Variants in CTNNA1 observed in about 807,000 individuals in gnomAD.
The protein encoded by CTNNA1 is catenin alpha-1.
Under a neutral mutation model 98.4 loss-of-function variants are expected in CTNNA1, and 37 were observed. That is an observed-to-expected ratio of 0.38 (90% CI 0.29 to 0.49). The LOEUF (loss-of-function observed/expected upper bound fraction) is 0.49. CTNNA1 is among the 20% of genes least tolerant of loss of function. The pLI is 0.95. For synonymous variants in CTNNA1, 404 were observed against 413.2 expected (o/e 0.98, Z 0.27); for missense variants, 761 against 1,147.2 (o/e 0.66, Z 4.86).
At chr5:138,783,051 T>C (rs1025780819) in intron 2 of CTNNA1, 126 bp from the exon 3 acceptor site, 40 of 660,682 alleles carry the variant, frequency 6.1e-5, no homozygotes, top group Non-Finnish European at 9.1e-5. Flanking sequence ...TATGGGGAAT[T>C]GTATGTTAAT....
chr5:138,771,776 T>C (rs1753583020), intron 1 of CTNNA1, among the ~76,000 whole-genome samples: 1 of 152,256 alleles, frequency 6.6e-6, no homozygotes, highest in Admixed American at 6.5e-5. Flanking sequence ...AGATGCAAGC[T>C]GGCATACCTG....
chr5:138,898,325 A>C (rs1166753300), intron 9 of CTNNA1, among the ~76,000 whole-genome samples: 2 of 152,162 alleles, frequency 1.3e-5, no homozygotes, highest in African/African-American at 4.8e-5. Flanking sequence ...CTCTTTTCTT[A>C]TAAATTACCC....
chr5:138,845,797 G>A (rs1472064027), intron 7 of CTNNA1, among the ~76,000 whole-genome samples: 2 of 152,172 alleles, frequency 1.3e-5, no homozygotes, highest in African/African-American at 2.4e-5. Flanking sequence ...GCTTATAACC[G>A]AGTATGATTG....
At chr5:138,905,202 C>G (rs1022479272) in intron 10 of CTNNA1, among the ~76,000 whole-genome samples, 4 of 151,880 alleles carry the variant, frequency 2.6e-5, no homozygotes, top group African/African-American at 9.7e-5. Flanking sequence ...TGGTGGGAGG[C>G]TGGCTTGAGC....
At chr5:138,758,809 T>G (rs2149571760) in intron 1 of CTNNA1, among the ~76,000 whole-genome samples, 1 of 152,140 alleles carries the variant, frequency 6.6e-6, no homozygotes, top group East Asian at 1.9e-4. Context: ...TCTGGGACAG[T>G]TTTTGTTTTT....
rs1750989493 is a variant in CTNNA1, at chr5:138,874,047, T to C, written c.1063-12165T>C. 6.2e-7 allele frequency: 1 copy of C among 1,613,978 alleles called. No individual in the cohort carries two copies. Among genetic ancestry groups the C allele is most frequent in the Non-Finnish European group, 8.5e-7 (1 of 1,179,872 alleles). ...CAGTCCCAGAACAGGCGTACTGGGA[T>C]AGTCCGCAGGGAGTTGGAACGTAAA... On this transcript the variant is annotated intron_variant, in intron 7 of 17. Transcript: ENST00000302763. This position sits in a 1 kb window ranked among gnomAD's most constrained non-coding sequence, Gnocchi z 4.1.
intron 7 of CTNNA1, chr5:138,869,568 A>G (rs946247522): frequency 3.9e-5 from 6 of 152,234 alleles, no homozygotes; most frequent in Non-Finnish European, 5.9e-5. Context: ...CAGGACATTT[A>G]TAGCTTTTTC....
chr5:138,776,651 G>A (rs1235121612), intron 1 of CTNNA1, among the ~76,000 whole-genome samples: 4 of 151,366 alleles, frequency 2.6e-5, no homozygotes, highest in African/African-American at 4.9e-5. Context: ...CCTCCCGGAC[G>A]GGGCGGCTGG....
intron 3 of CTNNA1, among the ~76,000 whole-genome samples, chr5:138,798,990 T>G (rs2149699145): frequency 6.6e-6 from 1 of 152,174 alleles, no homozygotes; most frequent in Non-Finnish European, 1.5e-5. Context: ...TTAATTTTTT[T>G]TATTAAAAAA....
intron 1 of CTNNA1, among the ~76,000 whole-genome samples, chr5:138,774,916 C>G (rs1209228463): frequency 6.6e-6 from 1 of 152,132 alleles, no homozygotes; most frequent in Non-Finnish European, 1.5e-5. Context: ...TCCTGTGCCA[C>G]CTTTTTTAAG....
intron 16 of CTNNA1, chr5:138,931,684 T>C (rs1298419974): frequency 1.0e-6 from 1 of 985,458 alleles, no homozygotes; most frequent in South Asian, 4.7e-5. Flanking sequence ...GCTCCCGATT[T>C]CCTGTTCTTT....
At chr5:138,928,188 G>A (rs1179976976) in intron 13 of CTNNA1, among the ~76,000 whole-genome samples, 1 of 152,200 alleles carries the variant, frequency 6.6e-6, no homozygotes, top group East Asian at 1.9e-4. Context: ...TGGGCTGAGC[G>A]CCAACCCCAG....
intron 7 of CTNNA1, among the ~76,000 whole-genome samples, chr5:138,834,111 T>C (rs527571893): frequency 6.6e-6 from 1 of 152,358 alleles, no homozygotes; most frequent in East Asian, 1.9e-4. Context: ...TCAATTTAGA[T>C]GTTAATCCTT....
At chr5:138,901,818 C>T (rs926837930) in intron 9 of CTNNA1, among the ~76,000 whole-genome samples, 1 of 152,200 alleles carries the variant, frequency 6.6e-6, no homozygotes, top group Non-Finnish European at 1.5e-5. Context: ...AGCTCCTCTC[C>T]TCGCCCTCTC....
intron 3 of CTNNA1, among the ~76,000 whole-genome samples, chr5:138,800,188 A>G (rs1344396516): frequency 6.6e-6 from 1 of 152,250 alleles, no homozygotes; most frequent in Non-Finnish European, 1.5e-5. Context: ...CTGCTACAGC[A>G]GCAAGCATGA....
At chr5:138,776,638 T>C (rs1754228202) in intron 1 of CTNNA1, among the ~76,000 whole-genome samples, 1 of 149,148 alleles carries the variant, frequency 6.7e-6, no homozygotes, top group African/African-American at 2.5e-5. Flanking sequence ...GAGGCGCCCC[T>C]CACCTCCCGG....
At chr5:138,809,905 A>G (rs1758497105) in intron 3 of CTNNA1, 133 bp from the exon 4 acceptor site, 3 of 1,264,172 alleles carry the variant, frequency 2.4e-6, no homozygotes, top group Non-Finnish European at 3.1e-6. Context: ...GCAAACAACA[A>G]CAAAAATGAA....
intron 7 of CTNNA1, chr5:138,871,453 A>G (rs990379343): frequency 2.6e-5 from 4 of 152,230 alleles, no homozygotes; most frequent in African/African-American, 7.2e-5. Context: ...AATACAAGAA[A>G]CTGAATACCT....
At chr5:138,797,011 A>G (rs564305218) in intron 3 of CTNNA1, among the ~76,000 whole-genome samples, 1 of 152,300 alleles carries the variant, frequency 6.6e-6, no homozygotes, top group East Asian at 1.9e-4. Flanking sequence ...CATTTATTTT[A>G]CCACTTGGCT....
Sources: gnomAD v4.1 joint callset for allele counts (sites outside exome capture counted in the v4.1 genomes callset) on GRCh38, gnomAD v4.1.1 for gene constraint, Gnocchi (gnomAD v3.1) non-coding constraint, MANE v1.5 for transcripts, NCBI Gene and HGNC (gene_info 2026-07-23, HGNC 2026-07-21) for gene names.